Variants in ZNF362 observed in about 807,000 individuals in gnomAD.
The protein encoded by ZNF362 is zinc finger protein 362.
In ZNF362, 11 loss-of-function variants were observed where a neutral mutation model predicts 42.9. The observed-to-expected ratio is 0.26, with a 90% CI of 0.16 to 0.42. ZNF362 has a LOEUF of 0.42. Among genes scored for constraint, ZNF362 ranks in the 20% least tolerant of loss-of-function variants. ZNF362 has a pLI of 1.00. For synonymous variants in ZNF362, 255 were observed against 257.3 expected (o/e 0.99, Z 0.09); for missense variants, 362 against 576.2 (o/e 0.63, Z 3.81).
the ZNF362 span, among the ~76,000 whole-genome samples, chr1:33,128,549 T>C: frequency 3.9e-5 from 6 of 152,354 alleles, no homozygotes; most frequent in East Asian, 1.2e-3. Context: ...GGAAAGTCTC[T>C]GCCTAATCTG....
the ZNF362 span, among the ~76,000 whole-genome samples, chr1:33,140,389 A>G: frequency 6.6e-6 from 1 of 152,178 alleles, no homozygotes; most frequent in Non-Finnish European, 1.5e-5. This position sits in a 1 kb window ranked among gnomAD's most constrained non-coding sequence, Gnocchi z 4.0. Context: ...AGTGGCAAGA[A>G]CAGTGCTGCT....
At chr1:33,293,614 C>G (rs1158645601) in intron 6 of ZNF362, among the ~76,000 whole-genome samples, 3 of 152,154 alleles carry the variant, frequency 2.0e-5, no homozygotes, top group Non-Finnish European at 4.4e-5. Context: ...TCTGGATATT[C>G]CCCTCCACTT....
chr1:33,283,101 T>A (rs1273818458), intron 6 of ZNF362, among the ~76,000 whole-genome samples: 1 of 152,114 alleles, frequency 6.6e-6, no homozygotes, highest in Non-Finnish European at 1.5e-5. Flanking sequence ...TCAAGGTTTT[T>A]TCTGTTTTGA....
chr1:33,161,281 AG>A, the ZNF362 span, among the ~76,000 whole-genome samples: 1 of 152,214 alleles, frequency 6.6e-6, no homozygotes, highest in Non-Finnish European at 1.5e-5. The surrounding 1 kb of genome is among the most constrained non-coding windows in gnomAD (Gnocchi z 4.3). Context: ...GTTGGGGGTC[AG>A]GGGAACAGGC....
the ZNF362 span, among the ~76,000 whole-genome samples, chr1:33,193,004 C>CACACACACACACATATATATAT: frequency 3.9e-3 from 531 of 137,250 alleles, 6 homozygotes; most frequent in Middle Eastern, 7.7e-3. Context: ...CACACACACA[C>CACACACACACACATATATATAT]ATATATATAT....
chr1:33,131,633 ATAATT>A, the ZNF362 span, among the ~76,000 whole-genome samples: 4 of 152,096 alleles, frequency 2.6e-5, no homozygotes, highest in South Asian at 6.2e-4. Context: ...AATAAAATAA[ATAATT>A]AAAATATATT....
At chr1:33,229,405 C>CTT in the ZNF362 span, among the ~76,000 whole-genome samples, 8 of 136,502 alleles carry the variant, frequency 5.9e-5, no homozygotes, top group Admixed American at 1.5e-4. Flanking sequence ...TCTATTCTGC[C>CTT]TTTTTTTTTT....
chr1:33,276,257 A>G, intron 3 of ZNF362, 91 bp from the exon 4 acceptor site: 1 of 1,582,048 alleles, frequency 6.3e-7, no homozygotes, highest in South Asian at 1.1e-5. Context: ...GAGCGGGGTG[A>G]GGAGCGAGGG....
At chr1:33,134,162 C>T in the ZNF362 span, among the ~76,000 whole-genome samples, 2 of 152,218 alleles carry the variant, frequency 1.3e-5, no homozygotes, top group Non-Finnish European at 2.9e-5. Context: ...GGCCCAGCCC[C>T]GTAAGACACC....
the ZNF362 span, among the ~76,000 whole-genome samples, chr1:33,229,768 C>A: frequency 6.6e-6 from 1 of 152,144 alleles, no homozygotes; most frequent in Admixed American, 6.5e-5. Context: ...CAGTCAACAG[C>A]TGGTTCAAAC....
At chr1:33,181,678 C>T in the ZNF362 span, 1 of 593,344 alleles carries the variant, frequency 1.7e-6, no homozygotes, top group Non-Finnish European at 2.8e-6. The surrounding 1 kb of genome is among the most constrained non-coding windows in gnomAD (Gnocchi z 6.5). Context: ...CAGCTCAAGG[C>T]GATGGGCGCT....
the ZNF362 span, among the ~76,000 whole-genome samples, chr1:33,227,079 G>T: frequency 1.6e-4 from 24 of 152,040 alleles, no homozygotes; most frequent in Non-Finnish European, 3.1e-4. Context: ...TTCTTTTTTG[G>T]GGTGATAAGA....
intron 2 of ZNF362, chr1:33,275,474 C>T: frequency 1.3e-6 from 1 of 765,748 alleles, no homozygotes; most frequent in Non-Finnish European, 1.6e-6. Context: ...CATTGAACAA[C>T]CACACGTGGC....
chr1:33,282,490 A>G (rs1465920561), intron 6 of ZNF362, among the ~76,000 whole-genome samples: 1 of 152,154 alleles, frequency 6.6e-6, no homozygotes, highest in African/African-American at 2.4e-5. Flanking sequence ...AGTCTAGTTG[A>G]GTGTGTGAAA....
At chr1:33,260,667 C>T (rs1645822954) in intron 1 of ZNF362, among the ~76,000 whole-genome samples, 1 of 152,186 alleles carries the variant, frequency 6.6e-6, no homozygotes. Flanking sequence ...GCAGGTGGTT[C>T]TGGTGTGGTG....
At chr1:33,138,606 T>C in the ZNF362 span, among the ~76,000 whole-genome samples, 1 of 144,430 alleles carries the variant, frequency 6.9e-6, no homozygotes, top group African/African-American at 2.6e-5. Flanking sequence ...AGCGAGATCC[T>C]GTCTCAACAA....
the ZNF362 span, among the ~76,000 whole-genome samples, chr1:33,216,590 A>C: frequency 1.2e-5 from 1 of 86,800 alleles, no homozygotes; most frequent in African/African-American, 4.0e-5. Context: ...ACAGAGCAAG[A>C]CTCTGTCTCA....
At chr1:33,159,871 T>G in the ZNF362 span, 1 of 1,612,706 alleles carries the variant, frequency 6.2e-7, no homozygotes, top group East Asian at 2.2e-5. This position sits in a 1 kb window ranked among gnomAD's most constrained non-coding sequence, Gnocchi z 4.2. Context: ...CATGGCCTTC[T>G]GGCGTTCACG....
chr1:33,190,644 A>G, the ZNF362 span, among the ~76,000 whole-genome samples: 1 of 152,090 alleles, frequency 6.6e-6, no homozygotes, highest in African/African-American at 2.4e-5. Context: ...CAGTTCACAC[A>G]TTTCTACATT....
Sources: gnomAD v4.1 joint callset for allele counts (sites outside exome capture counted in the v4.1 genomes callset) on GRCh38, gnomAD v4.1.1 for gene constraint, Gnocchi (gnomAD v3.1) non-coding constraint, MANE v1.5 for transcripts, NCBI Gene and HGNC (gene_info 2026-07-23, HGNC 2026-07-21) for gene names.